Variants in CDH18 observed in about 807,000 individuals in gnomAD.
The protein encoded by CDH18 is cadherin 18, also known as cadherin-18.
A neutral mutation model predicts 67.9 loss-of-function variants in CDH18; 31 were observed. The observed-to-expected ratio is 0.46, with a 90% CI of 0.34 to 0.62. The LOEUF (loss-of-function observed/expected upper bound fraction) is 0.62. Ranked by LOEUF, CDH18 falls within the 20% of genes least tolerant of loss-of-function variation. The probability of loss-of-function intolerance (pLI) is 0.01; values close to 1 mark genes in which losing one functional copy is unlikely to be tolerated. For synonymous variants in CDH18, 362 were observed against 347.2 expected (o/e 1.04, Z -0.48); for missense variants, 890 against 975.5 (o/e 0.91, Z 1.17).
At chr5:20,427,723 TA>T (rs1195753952) in intron 1 of CDH18, among the ~76,000 whole-genome samples, 1 of 151,132 alleles carries the variant, frequency 6.6e-6, no homozygotes, top group Non-Finnish European at 1.5e-5. Flanking sequence ...CCACTGACTT[TA>T]TAAGTGATTA....
chr5:20,222,676 CT>C (rs35401290), intron 2 of CDH18, among the ~76,000 whole-genome samples: 18 of 147,956 alleles, frequency 1.2e-4, no homozygotes, highest in East Asian at 4.0e-4. Flanking sequence ...TTACAACAGC[CT>C]TTTTTTTTTC....
intron 1 of CDH18, among the ~76,000 whole-genome samples, chr5:20,282,997 GC>G (rs1746403646): frequency 6.6e-6 from 1 of 152,002 alleles, no homozygotes; most frequent in Non-Finnish European, 1.5e-5. Context: ...CAACAAATAT[GC>G]CCAGAACATA....
upstream of CDH18, among the ~76,000 whole-genome samples, chr5:19,992,845 T>G (rs1205846019): frequency 6.6e-6 from 1 of 152,180 alleles, no homozygotes; most frequent in Admixed American, 6.5e-5. Flanking sequence ...GTACAATTTT[T>G]GGGTGTTGCT....
intron 1 of CDH18, among the ~76,000 whole-genome samples, chr5:20,318,468 G>A (rs1737669865): frequency 6.6e-6 from 1 of 152,144 alleles, no homozygotes; most frequent in African/African-American, 2.4e-5. Flanking sequence ...CCTTGTGGGA[G>A]GTGATGGGAT....
At chr5:20,400,504 C>T (rs144295443) in intron 1 of CDH18, among the ~76,000 whole-genome samples, 20 of 150,010 alleles carry the variant, frequency 1.3e-4, no homozygotes, top group African/African-American at 4.2e-4. Context: ...TAAATAAATA[C>T]ATAAAAAGAA....
intron 3 of CDH18, among the ~76,000 whole-genome samples, chr5:19,774,443 A>AAAATAAAATAAAATAAAATAAAAT (rs1473317352): frequency 1.3e-5 from 2 of 150,688 alleles, no homozygotes; most frequent in South Asian, 2.1e-4. Context: ...AAAATAAAAT[A>AAAATAAAATAAAATAAAATAAAAT]AAATAAATAA....
chr5:20,131,627 A>G (rs904649065), intron 2 of CDH18, among the ~76,000 whole-genome samples: 1 of 152,132 alleles, frequency 6.6e-6, no homozygotes, highest in African/African-American at 2.4e-5. Flanking sequence ...AAGTATACAC[A>G]TATGTATATC....
chr5:20,214,862 C>T (rs1275533038), intron 2 of CDH18, among the ~76,000 whole-genome samples: 6 of 151,742 alleles, frequency 4.0e-5, no homozygotes, highest in East Asian at 1.9e-4. Context: ...TAAACTAAAG[C>T]GCTTCTTCAC....
intron 2 of CDH18, among the ~76,000 whole-genome samples, chr5:19,927,575 A>G (rs575605724): frequency 6.6e-5 from 10 of 152,280 alleles, no homozygotes; most frequent in South Asian, 4.1e-4. Flanking sequence ...GAAATAAAGT[A>G]TGAAAGCACA....
At chr5:19,884,479 G>A (rs977910007) in intron 2 of CDH18, among the ~76,000 whole-genome samples, 7 of 151,728 alleles carry the variant, frequency 4.6e-5, no homozygotes, top group Non-Finnish European at 8.8e-5. Flanking sequence ...ATTTCTTACT[G>A]AAAAGAGTTC....
At position 20,106,882 on chromosome 5, in the gene CDH18, T is replaced by C. The variant is rs1365807289; in HGVS notation, c.-517-114868A>G. ...GTTAGATAATGAAGCTAATATAACA[T>C]GACAAAAATCATTCATAAGCTAGTA... On this transcript the variant is annotated intron_variant, in intron 2 of 14. Transcript: ENST00000507958. Among the ~76,000 whole-genome samples, 10 of 152,198 alleles carry C rather than the reference T, an allele frequency of 6.6e-5. No homozygotes were observed. The South Asian group carries it at 1.9e-3, about 28-fold the overall frequency.
chr5:19,634,443 G>T (rs1752824035), intron 5 of CDH18, among the ~76,000 whole-genome samples: 2 of 152,116 alleles, frequency 1.3e-5, no homozygotes, highest in East Asian at 3.9e-4. Context: ...GAAAAATGTG[G>T]GTCATGAGTT....
At chr5:19,857,524 C>T (rs1252681173) in intron 2 of CDH18, among the ~76,000 whole-genome samples, 1 of 152,096 alleles carries the variant, frequency 6.6e-6, no homozygotes, top group Non-Finnish European at 1.5e-5. Flanking sequence ...CACAGACATA[C>T]TCAGAAACAG....
intron 2 of CDH18, among the ~76,000 whole-genome samples, chr5:19,906,795 T>C (rs1276614284): frequency 6.6e-6 from 1 of 151,934 alleles, no homozygotes; most frequent in South Asian, 2.1e-4. Context: ...AGATCCATGA[T>C]TGGGCCATGA....
intron 1 of CDH18, among the ~76,000 whole-genome samples, chr5:20,298,128 C>T (rs142560133): frequency 1.2e-3 from 181 of 152,080 alleles, no homozygotes; most frequent in Middle Eastern, 3.4e-3. Context: ...GAAGTGTTTG[C>T]GTGGGCAGAA....
intron 4 of CDH18, among the ~76,000 whole-genome samples, chr5:19,743,039 A>G (rs1259794310): frequency 6.6e-6 from 1 of 152,200 alleles, no homozygotes; most frequent in African/African-American, 2.4e-5. Context: ...GCAAACCTTC[A>G]ACAATGTGTG....
chr5:20,403,122 G>A (rs1421422371), intron 1 of CDH18, among the ~76,000 whole-genome samples: 4 of 151,918 alleles, frequency 2.6e-5, no homozygotes, highest in Non-Finnish European at 5.9e-5. Flanking sequence ...GGCAGAGGTT[G>A]AACCCATAAG....
Position 19,571,748 on chromosome 5 carries a change from C to A in CDH18, c.1084G>T (p.Gly362Cys), listed in dbSNP as rs1741439941. The change falls in exon 8 of 13, where the codon GGT becomes TGT. Residue 362 changes from glycine to cysteine, a missense_variant. Gly to Cys is a radical substitution (Grantham distance 159). This residue lies in a region of CDH18 where 656 missense variants were observed against 668.1 expected (regional missense o/e 0.98). Coordinates refer to ENST00000382275, the MANE Select transcript of CDH18 (RefSeq NM_004934.5). ...AGCATAGTAGCATCTTTAAAAGGAC[C>A]CAAGTGAGAAAAGCGAAAATCAAGA... ...THLDFRFSHL[G>C]PFKDATMLKI... 1 of 1,613,642 alleles carries A rather than the reference C, an allele frequency of 6.2e-7. No individual in the cohort carries two copies. The highest frequency in any genetic ancestry group is 1.3e-5 in the African/African-American group (1 of 74,842).
intron 5 of CDH18, among the ~76,000 whole-genome samples, chr5:19,714,048 C>G (rs1251938515): frequency 6.6e-6 from 1 of 152,158 alleles, no homozygotes; most frequent in Non-Finnish European, 1.5e-5. Flanking sequence ...ATAAAAATAA[C>G]ATAATCGGAG....
Sources: gnomAD v4.1 joint callset for allele counts (sites outside exome capture counted in the v4.1 genomes callset) on GRCh38, gnomAD v4.1.1 for gene constraint, gnomAD v4.1.1 regional missense constraint, MANE v1.5 for transcripts, NCBI Gene and HGNC (gene_info 2026-07-23, HGNC 2026-07-21) for gene names.